CACNA1C: variants seen among roughly 807,000 people sequenced by gnomAD.
CACNA1C encodes the protein calcium voltage-gated channel subunit alpha1 C.
A neutral mutation model predicts 229.0 loss-of-function variants in CACNA1C; 30 were observed. That is an observed-to-expected ratio of 0.13 (90% CI 0.10 to 0.18). The LOEUF (loss-of-function observed/expected upper bound fraction) is 0.18. CACNA1C is among the 10% of genes least tolerant of loss of function. The pLI is 1.00. For synonymous variants in CACNA1C, 1,114 were observed against 1,132.5 expected (o/e 0.98, Z 0.33); for missense variants, 1,658 against 2,845.0 (o/e 0.58, Z 9.49).
chr12:2,004,153 T>A (rs1423208186), intron 1 of CACNA1C: 1 of 1,349,920 alleles, frequency 7.4e-7, no homozygotes, highest in Non-Finnish European at 1.0e-6. Flanking sequence ...TCGGCCTCAG[T>A]CCCCAGATCC....
chr12:2,525,722 G>A lies in CACNA1C; in HGVS notation c.1390+12738G>A, dbSNP rs78947940. 1.1e-3 allele frequency among the ~76,000 whole-genome samples: 174 copies of A among 152,304 alleles called. No individual in the cohort carries two copies. In the East Asian group the frequency reaches 0.031, roughly 27 times the overall value. ...ACAACCCCAAACATAGGCTTTGATG[G>A]CTCCATCCTTCAGGATTACTTCACC... On this transcript the variant is annotated intron_variant, in intron 9 of 46. Coordinates refer to ENST00000399655, the MANE Select transcript of CACNA1C (RefSeq NM_000719.7).
chr12:2,072,574 C>T (rs1005298970), intron 1 of CACNA1C, among the ~76,000 whole-genome samples: 10 of 152,104 alleles, frequency 6.6e-5, no homozygotes, highest in East Asian at 3.9e-4. Context: ...CTAGTCTGTT[C>T]GATGGAACTT....
intron 3 of CACNA1C, among the ~76,000 whole-genome samples, chr12:2,260,648 C>G (rs918432439): frequency 6.6e-6 from 1 of 152,168 alleles, no homozygotes; most frequent in Non-Finnish European, 1.5e-5. Flanking sequence ...GTTGAGATCA[C>G]ATGGACTCCT....
At chr12:2,301,233 C>T (rs1289953751) in intron 3 of CACNA1C, among the ~76,000 whole-genome samples, 1 of 152,208 alleles carries the variant, frequency 6.6e-6, no homozygotes, top group Non-Finnish European at 1.5e-5. Flanking sequence ...GGCCTCCTTC[C>T]TCTGTGCCAT....
chr12:2,241,121 C>T (rs942090454), intron 3 of CACNA1C, among the ~76,000 whole-genome samples: 1 of 152,070 alleles, frequency 6.6e-6, no homozygotes, highest in African/African-American at 2.4e-5. Flanking sequence ...AGGCTCCTGG[C>T]AGCTTTATTT....
At chr12:2,305,129 G>A (rs2094911566) in intron 3 of CACNA1C, among the ~76,000 whole-genome samples, 1 of 152,180 alleles carries the variant, frequency 6.6e-6, no homozygotes, top group African/African-American at 2.4e-5. Flanking sequence ...CTGATCTCCT[G>A]TCCTGCACAC....
chr12:2,681,638 C>T (rs549180478), intron 42 of CACNA1C, among the ~76,000 whole-genome samples: 26 of 152,320 alleles, frequency 1.7e-4, no homozygotes, highest in Admixed American at 5.2e-4. Flanking sequence ...CCTCCCAGTC[C>T]TCCTGGAGCT....
chr12:2,169,623 A>G (rs1406569053), intron 3 of CACNA1C, among the ~76,000 whole-genome samples: 2 of 152,158 alleles, frequency 1.3e-5, no homozygotes, highest in Admixed American at 6.5e-5. Flanking sequence ...AGAAAGTGGA[A>G]CATGTGGTCG....
intron 3 of CACNA1C, among the ~76,000 whole-genome samples, chr12:2,331,607 G>A (rs1013680323): frequency 2.0e-5 from 3 of 152,206 alleles, no homozygotes; most frequent in African/African-American, 4.8e-5. Context: ...ACCGACATAC[G>A]GAAGTTAGTG....
chr12:2,019,766 A>G (rs1009917825), intron 1 of CACNA1C, among the ~76,000 whole-genome samples: 1 of 152,222 alleles, frequency 6.6e-6, no homozygotes, highest in Admixed American at 6.5e-5. Flanking sequence ...ATTTTTAAAT[A>G]TGAAATATGT....
At chr12:2,261,255 C>CA (rs1025754797) in intron 3 of CACNA1C, among the ~76,000 whole-genome samples, 18 of 151,042 alleles carry the variant, frequency 1.2e-4, no homozygotes, top group African/African-American at 3.9e-4. Flanking sequence ...AAAACAAAAA[C>CA]AAAAAAAACT....
chr12:2,162,931 C>T (rs995769053), intron 3 of CACNA1C, among the ~76,000 whole-genome samples: 1 of 152,086 alleles, frequency 6.6e-6, no homozygotes, highest in Admixed American at 6.5e-5. Context: ...CCTCATTTGC[C>T]CATGCACATG....
At chr12:2,625,921 G>A (rs1401443278) in intron 29 of CACNA1C, among the ~76,000 whole-genome samples, 1 of 152,130 alleles carries the variant, frequency 6.6e-6, no homozygotes, top group Non-Finnish European at 1.5e-5. Context: ...TTGCAACACT[G>A]CACTCCAGCC....
intron 3 of CACNA1C, among the ~76,000 whole-genome samples, chr12:2,190,401 C>T (rs1018081316): frequency 2.6e-5 from 4 of 152,152 alleles, no homozygotes; most frequent in Admixed American, 1.3e-4. Context: ...CTCCATCAGC[C>T]GTTTATCTAG....
intron 3 of CACNA1C, among the ~76,000 whole-genome samples, chr12:2,427,524 C>A (rs111923691): frequency 1.6e-5 from 1 of 63,456 alleles, no homozygotes; most frequent in East Asian, 5.1e-4. Context: ...GGCTCGCTAC[C>A]GACCCACACA....
In CACNA1C at chr12:2,585,322, T is replaced by G; in HGVS notation, c.2340-54T>G. On this transcript the variant is annotated intron_variant, in intron 16 of 46. Coordinates refer to ENST00000399655, the MANE Select transcript of CACNA1C (RefSeq NM_000719.7). This position sits in a 1 kb window ranked among gnomAD's most constrained non-coding sequence, Gnocchi z 4.1. ...ACAGGGCGGTTCCCTCCTACACTGT[T>G]CCCTATCACTCCAGTAAACAGCCAT... 1 of 1,581,236 alleles carries G rather than the reference T, an allele frequency of 6.3e-7. No individual in the cohort carries two copies. Among genetic ancestry groups the G allele is most frequent in the East Asian group, 2.2e-5 (1 of 44,622 alleles).
intron 45 of CACNA1C, among the ~76,000 whole-genome samples, chr12:2,688,183 C>T (rs762401833): frequency 9.9e-5 from 15 of 152,238 alleles, no homozygotes; most frequent in East Asian, 3.8e-4. Flanking sequence ...CAGGTTACCA[C>T]GACTTCACCC....
chr12:2,535,174 G>T (rs1378008936), intron 9 of CACNA1C, among the ~76,000 whole-genome samples: 1 of 151,974 alleles, frequency 6.6e-6, no homozygotes, highest in Non-Finnish European at 1.5e-5. Context: ...CAGATCACGA[G>T]GTCAGGAGAT....
intron 1 of CACNA1C, among the ~76,000 whole-genome samples, chr12:1,988,080 G>A (rs2038316925): frequency 6.6e-6 from 1 of 152,176 alleles, no homozygotes; most frequent in South Asian, 2.1e-4. Flanking sequence ...TTTGCTCTGG[G>A]AGATTCCCTT....
Sources: allele counts gnomAD v4.1 joint callset (sites outside exome capture counted in the v4.1 genomes callset), GRCh38; gene constraint gnomAD v4.1.1; non-coding constraint Gnocchi (gnomAD v3.1); transcripts MANE v1.5; gene names NCBI Gene and HGNC (gene_info 2026-07-23, HGNC 2026-07-21).